Variants in MARK3 observed in about 807,000 individuals in gnomAD.
MARK3 encodes microtubule affinity regulating kinase 3.
Under a neutral mutation model 90.1 loss-of-function variants are expected in MARK3, and 46 were observed. The observed-to-expected ratio is 0.51, with a 90% CI of 0.40 to 0.65. The LOEUF is 0.65. Ranked by LOEUF, MARK3 falls within the 30% of genes least tolerant of loss-of-function variation. The pLI is 0.00. For missense variants in MARK3, 818 were observed against 947.2 expected, an observed-to-expected ratio of 0.86 and a Z score of 1.79; for synonymous variants, 321 against 332.6, an observed-to-expected ratio of 0.97 and a Z score of 0.38.
At chr14:103,489,657 G>A (rs2093984993) in intron 14 of MARK3, 1 of 152,132 alleles carries the variant, frequency 6.6e-6, no homozygotes, top group Non-Finnish European at 1.5e-5. Flanking sequence ...GGGGAGTGAG[G>A]GAAAGGAAGA....
At chr14:103,477,240 C>G (rs988137422) in intron 13 of MARK3, among the ~76,000 whole-genome samples, 1 of 152,092 alleles carries the variant, frequency 6.6e-6, no homozygotes, top group African/African-American at 2.4e-5. Flanking sequence ...ACCCGTAATC[C>G]CTGCACTGTG....
chr14:103,422,881 A>C (rs1206663842), intron 2 of MARK3, among the ~76,000 whole-genome samples: 1 of 152,168 alleles, frequency 6.6e-6, no homozygotes, highest in Admixed American at 6.5e-5. Flanking sequence ...CAAAATTCAT[A>C]TGTGTAAGCC....
intron 15 of MARK3, among the ~76,000 whole-genome samples, chr14:103,495,784 A>C (rs1375858647): frequency 7.3e-6 from 1 of 136,746 alleles, no homozygotes; most frequent in Non-Finnish European, 1.7e-5. Context: ...TGCTATACTT[A>C]ATCAGCTACT....
intron 2 of MARK3, among the ~76,000 whole-genome samples, chr14:103,423,096 A>C (rs1321894359): frequency 6.6e-6 from 1 of 151,684 alleles, no homozygotes; most frequent in Non-Finnish European, 1.5e-5. Context: ...TGAGAAAATA[A>C]ATTACTGTTA....
At chr14:103,495,660 G>A (rs1212497627) in intron 15 of MARK3, among the ~76,000 whole-genome samples, 3 of 152,108 alleles carry the variant, frequency 2.0e-5, no homozygotes, top group Non-Finnish European at 4.4e-5. Flanking sequence ...ATTCTAAGTG[G>A]TCATCTTGTT....
intron 13 of MARK3, among the ~76,000 whole-genome samples, chr14:103,475,961 A>G (rs2093707627): frequency 6.6e-6 from 1 of 151,628 alleles, no homozygotes. Flanking sequence ...AAAAAAAGAT[A>G]CTAATCCCTT....
intron 3 of MARK3, among the ~76,000 whole-genome samples, chr14:103,440,483 T>A (rs1268278859): frequency 2.0e-5 from 3 of 152,208 alleles, no homozygotes; most frequent in South Asian, 2.1e-4. Flanking sequence ...TTTTCTCTGA[T>A]TTTTTAAAAT....
chr14:103,494,504 A>C (rs922391512), intron 15 of MARK3, among the ~76,000 whole-genome samples: 1 of 134,048 alleles, frequency 7.5e-6, no homozygotes, highest in Non-Finnish European at 1.5e-5. Flanking sequence ...AGGTCACGCC[A>C]TTGCACTCCA....
At chr14:103,425,848 C>T (rs1445279393) in intron 2 of MARK3, among the ~76,000 whole-genome samples, 1 of 152,192 alleles carries the variant, frequency 6.6e-6, no homozygotes, top group Non-Finnish European at 1.5e-5. Context: ...ACTCCAGGGT[C>T]AGAATTGCTG....
chr14:103,440,944 A>AG (rs1194641560), intron 3 of MARK3, among the ~76,000 whole-genome samples: 2 of 151,116 alleles, frequency 1.3e-5, no homozygotes, highest in Non-Finnish European at 2.9e-5. Context: ...TTAAAAAAAA[A>AG]AAAAGAAAAG....
intron 2 of MARK3, among the ~76,000 whole-genome samples, chr14:103,407,743 T>G: frequency 6.6e-6 from 1 of 151,832 alleles, no homozygotes. Flanking sequence ...GTATTTTTAG[T>G]AGAGATGGGG....
chr14:103,425,330 GCTCACTATAACCTCCGTTTCCAGGTTT>G (rs1450932296), intron 2 of MARK3, among the ~76,000 whole-genome samples: 4 of 151,938 alleles, frequency 2.6e-5, no homozygotes, highest in Admixed American at 1.3e-4. Flanking sequence ...CACCATCTTG[GCTCACTATAACCTCCGTTTCCAGGTTT>G]CAAGTGGTTC....
chr14:103,427,647 G>C (rs927737062), intron 2 of MARK3, among the ~76,000 whole-genome samples: 5 of 152,168 alleles, frequency 3.3e-5, no homozygotes, highest in African/African-American at 1.2e-4. Context: ...AAAGGGCAGA[G>C]ATTTCCTGGA....
intron 2 of MARK3, among the ~76,000 whole-genome samples, chr14:103,423,068 A>AG (rs1482697193): frequency 1.3e-5 from 2 of 152,270 alleles, no homozygotes; most frequent in East Asian, 3.9e-4. Flanking sequence ...GCCAGGAAGA[A>AG]GGTCCCCTCC....
At position 103,470,753 on chromosome 14, in the gene MARK3, G is replaced by A. The variant is rs187354619; in HGVS notation, c.1264+2567G>A. On this transcript the variant is annotated intron_variant, in intron 12 of 17. Coordinates refer to ENST00000429436, the MANE Select transcript of MARK3 (RefSeq NM_001128918.3). ...ATTACAGGCATGAGTCACTGCGCTC[G>A]GCCTCATTTTATTTCTCTTCTCTGG... Among the ~76,000 whole-genome samples, 44 of 151,872 alleles carry A rather than the reference G, an allele frequency of 2.9e-4. No homozygotes were observed. The East Asian group carries it at 7.2e-3, about 25-fold the overall frequency.
chr14:103,481,720 G>A (rs2093822253), intron 14 of MARK3, among the ~76,000 whole-genome samples: 1 of 144,654 alleles, frequency 6.9e-6, no homozygotes, highest in South Asian at 2.2e-4. Flanking sequence ...AGCAGCTGGG[G>A]TAGATAGTTT....
In MARK3 at chr14:103,494,835, T is replaced by C. The variant is rs190033830; in HGVS notation, c.1844+2801T>C. Among the ~76,000 whole-genome samples the C allele has an allele frequency of 1.0e-3, 156 of 152,168 alleles. 2 individuals carry two copies. Among genetic ancestry groups the C allele is most frequent in the East Asian group, 5.8e-4 (3 of 5,160 alleles). The stretch of plus-strand genomic sequence containing the variant: ...TATTTTTAGTAGAGACCCGGTTTTA[T>C]CATGTTGGCCAGGCTGGTCTTGAAC... On this transcript the variant is annotated intron_variant, in intron 15 of 17. Transcript: ENST00000429436.
chr14:103,433,912 G>A lies in MARK3; in HGVS notation c.297+5472G>A, dbSNP rs559804097. ...TTTATTTAACAATTCTTCCCTTTTG[G>A]TCAGGCTTTCACCTAGGTAAGAGTG... On this transcript the variant is annotated intron_variant, in intron 3 of 17. Transcript: ENST00000429436. Among the ~76,000 whole-genome samples the A allele has an allele frequency of 2.8e-4, 42 of 152,092 alleles. No homozygotes were observed. The South Asian group carries it at 7.9e-3, about 29-fold the overall frequency.
chr14:103,467,697 A>AAAAAAAAAAAAAAAAAAAAT, intron 11 of MARK3: 1 of 158,864 alleles, frequency 6.3e-6, no homozygotes, highest in African/African-American at 2.4e-5. Flanking sequence ...AAAAAAAAAA[A>AAAAAAAAAAAAAAAAAAAAT]GATGGATGTT....
Sources: allele counts gnomAD v4.1 joint callset (sites outside exome capture counted in the v4.1 genomes callset), GRCh38; gene constraint gnomAD v4.1.1; transcripts MANE v1.5; gene names NCBI Gene and HGNC (gene_info 2026-07-23, HGNC 2026-07-21).